The following RICTOR variants were observed in gnomAD, a reference collection of about 807,000 sequenced individuals.
The protein encoded by RICTOR is RPTOR independent companion of MTOR complex 2, also known as rapamycin-insensitive companion of mTOR.
A neutral mutation model predicts 214.9 loss-of-function variants in RICTOR; 49 were observed. The observed-to-expected ratio is 0.23, with a 90% CI of 0.18 to 0.29. The LOEUF (loss-of-function observed/expected upper bound fraction) is 0.29. RICTOR is among the 10% of genes least tolerant of loss of function. RICTOR has a pLI of 1.00. For synonymous variants in RICTOR, 717 were observed against 711.3 expected, an observed-to-expected ratio of 1.01 and a Z score of -0.13; for missense variants, 1,625 against 2,047.0, an observed-to-expected ratio of 0.79 and a Z score of 3.98.
chr5:38,940,936 CA>C lies in RICTOR; in HGVS notation c.*1367del. ...GTAATTGTAATAAAAATGTTATACACAAATGAATTAAAAAAGAATCCTAATC... is the reference window on the plus strand; with the variant it reads ...GTAATTGTAATAAAAATGTTATACACAATGAATTAAAAAAGAATCCTAATC... On this transcript the variant is annotated 3_prime_UTR_variant, in exon 38 of 38. Transcript: ENST00000357387. The C allele has an allele frequency of 4.3e-6, 1 of 232,438 alleles. No homozygotes were observed. Among genetic ancestry groups the C allele is most frequent in the African/African-American group, 2.2e-5 (1 of 45,400 alleles). The allele number at this position is 232,438 out of a possible 1,614,324, so 14.4% of individuals were successfully genotyped here.
At chr5:39,014,644 T>C (rs573767278) in intron 3 of RICTOR, among the ~76,000 whole-genome samples, 2 of 152,134 alleles carry the variant, frequency 1.3e-5, no homozygotes, top group Non-Finnish European at 2.9e-5. Flanking sequence ...AGCAGGTCTT[T>C]AGATTATGAG....
intron 3 of RICTOR, among the ~76,000 whole-genome samples, chr5:39,009,906 G>A (rs193281699): frequency 1.1e-4 from 17 of 152,234 alleles, no homozygotes; most frequent in African/African-American, 3.6e-4. Context: ...AACTTCTTGT[G>A]ATGACTACCT....
chr5:39,052,696 G>A (rs1757935247), intron 2 of RICTOR, among the ~76,000 whole-genome samples: 1 of 152,124 alleles, frequency 6.6e-6, no homozygotes, highest in Non-Finnish European at 1.5e-5. Flanking sequence ...AACTCAAGTA[G>A]TCCTCTTAAT....
At chr5:39,037,983 T>C (rs942135740) in intron 2 of RICTOR, among the ~76,000 whole-genome samples, 13 of 152,278 alleles carry the variant, frequency 8.5e-5, no homozygotes, top group African/African-American at 3.1e-4. Context: ...GCCAGCATCA[T>C]CCTGATACCA....
At chr5:38,963,163 T>G (rs1749938172) in intron 16 of RICTOR, 122 bp from the exon 17 acceptor site, 1 of 630,494 alleles carries the variant, frequency 1.6e-6, no homozygotes, top group Admixed American at 3.2e-5. Flanking sequence ...ATAAAGTAAA[T>G]TATTTCATCA....
chr5:38,944,814 G>C, intron 35 of RICTOR, 99 bp downstream of exon 35: 3 of 1,210,404 alleles, frequency 2.5e-6, no homozygotes, highest in South Asian at 2.5e-5. Context: ...TTACTGTTTT[G>C]AGACAACTTT....
rs1256166656 is a variant in RICTOR at position 38,959,183 on chromosome 5, T to A, written c.2178+12A>T. On this transcript the variant is annotated intron_variant, in intron 22 of 37. Transcript: ENST00000357387. Reference sequence around the variant, plus strand: ...GTTATAAATATAGTTTTACTGGCTATGTTATACTCACATCAGTAGCTGCAG... The same window carrying A: ...GTTATAAATATAGTTTTACTGGCTAAGTTATACTCACATCAGTAGCTGCAG... 6.4e-7 allele frequency: 1 copy of A among 1,565,386 alleles called. No individual in the cohort carries two copies. The highest frequency in any genetic ancestry group is 2.3e-5 in the East Asian group (1 of 44,044).
intron 3 of RICTOR, among the ~76,000 whole-genome samples, chr5:39,010,546 C>T (rs899868482): frequency 6.6e-6 from 1 of 152,158 alleles, no homozygotes; most frequent in Admixed American, 6.5e-5. Context: ...AAGCTTGGAA[C>T]GTCCTATAGA....
Position 38,941,979 on chromosome 5 carries a change from C to T in RICTOR, c.*325G>A. 3.9e-6 allele frequency: 1 copy of T among 254,268 alleles called. No homozygotes were observed. The highest frequency in any genetic ancestry group is 7.5e-6 in the Non-Finnish European group (1 of 132,678). The allele number at this position is 254,268 out of a possible 1,614,324, so 15.8% of individuals were successfully genotyped here. ...TTCTGCATATCCCATTATTGTTCCA[C>T]TGTCATTATGCTTTTAAAATGAAAG... On this transcript the variant is annotated 3_prime_UTR_variant, in exon 38 of 38. Coordinates refer to ENST00000357387, the MANE Select transcript of RICTOR (RefSeq NM_152756.5).
chr5:39,052,099 C>T (rs1229925478), intron 2 of RICTOR, among the ~76,000 whole-genome samples: 3 of 152,140 alleles, frequency 2.0e-5, no homozygotes, highest in South Asian at 2.1e-4. Flanking sequence ...ATAGGCCAGG[C>T]GTGGTGGCTC....
At chr5:38,956,722 C>A (rs1457842518) in intron 25 of RICTOR, among the ~76,000 whole-genome samples, 2 of 152,080 alleles carry the variant, frequency 1.3e-5, no homozygotes, top group Non-Finnish European at 2.9e-5. Flanking sequence ...TCAAGCACTG[C>A]ACCAATATTC....
chr5:39,064,087 C>T (rs1758739870), intron 2 of RICTOR, among the ~76,000 whole-genome samples: 1 of 152,086 alleles, frequency 6.6e-6, no homozygotes, highest in South Asian at 2.1e-4. Context: ...CTCTTTCAAC[C>T]CTATTACTTT....
intron 27 of RICTOR, 79 bp downstream of exon 27, chr5:38,954,695 G>A: frequency 1.2e-6 from 1 of 863,470 alleles, no homozygotes; most frequent in Non-Finnish European, 1.9e-6. Context: ...TTTTTGCAAA[G>A]GTAATATTTT....
At chr5:38,968,190 G>A (rs986892621) in intron 11 of RICTOR, among the ~76,000 whole-genome samples, 160 bp from the exon 12 acceptor site, 18 of 152,070 alleles carry the variant, frequency 1.2e-4, no homozygotes, top group African/African-American at 3.9e-4. Flanking sequence ...TATATACGAT[G>A]GTCGTTCCCT....
At chr5:39,000,469 T>C (rs905335694) in intron 5 of RICTOR, among the ~76,000 whole-genome samples, 1 of 151,898 alleles carries the variant, frequency 6.6e-6, no homozygotes, top group African/African-American at 2.4e-5. Context: ...ATATCACAAA[T>C]AGTGGTGTTT....
intron 3 of RICTOR, among the ~76,000 whole-genome samples, chr5:39,011,544 A>G (rs938675763): frequency 4.6e-5 from 7 of 152,170 alleles, no homozygotes; most frequent in African/African-American, 1.7e-4. Flanking sequence ...GAAAAGCCAC[A>G]GGCACTCAAT....
At chr5:38,994,419 T>TAAA (rs869254811) in intron 6 of RICTOR, among the ~76,000 whole-genome samples, 1 of 57,156 alleles carries the variant, frequency 1.7e-5, no homozygotes, top group Non-Finnish European at 3.1e-5. Context: ...AAGGTTTTAC[T>TAAA]AAAAAAAAAA....
At chr5:38,975,739 G>A in intron 9 of RICTOR, 135 bp from the exon 10 acceptor site, 39 of 470,074 alleles carry the variant, frequency 8.3e-5, no homozygotes, top group South Asian at 5.6e-4. Context: ...ACAAGACAAA[G>A]ATCAGATCTA....
At chr5:39,059,498 T>A (rs1758404150) in intron 2 of RICTOR, among the ~76,000 whole-genome samples, 1 of 152,088 alleles carries the variant, frequency 6.6e-6, no homozygotes, top group Non-Finnish European at 1.5e-5. Flanking sequence ...AACAAAGACT[T>A]TTTGGATCTA....
Sources: allele counts gnomAD v4.1 joint callset (sites outside exome capture counted in the v4.1 genomes callset), GRCh38; gene constraint gnomAD v4.1.1; transcripts MANE v1.5; gene names NCBI Gene and HGNC (gene_info 2026-07-23, HGNC 2026-07-21).